The following ANGPTL2 variants were observed in gnomAD, a reference collection of about 807,000 sequenced individuals.
ANGPTL2 encodes the protein angiopoietin like 2.
In ANGPTL2, 25 loss-of-function variants were observed where a neutral mutation model predicts 52.8. The ratio of observed to expected loss-of-function variants is 0.47; its 90% CI spans 0.35 to 0.66. The LOEUF (loss-of-function observed/expected upper bound fraction) is 0.66, where lower values mean the gene tolerates loss of function less well. ANGPTL2 is among the 30% of genes least tolerant of loss of function. The pLI, the probability that ANGPTL2 is intolerant of heterozygous loss-of-function variation, is 0.01. For synonymous variants in ANGPTL2, 276 were observed against 277.4 expected, an observed-to-expected ratio of 1.00 and a Z score of 0.05; for missense variants, 546 against 656.9, an observed-to-expected ratio of 0.83 and a Z score of 1.84.
intron 1 of ANGPTL2, among the ~76,000 whole-genome samples, chr9:127,114,310 G>A (rs2055174479): frequency 6.6e-6 from 1 of 152,146 alleles, no homozygotes; most frequent in South Asian, 2.1e-4. Context: ...ATTTGCAGTT[G>A]AGGAAACTAT....
intron 1 of ANGPTL2, 68 bp from the exon 2 acceptor site, chr9:127,108,848 TC>T: frequency 2.6e-6 from 3 of 1,147,720 alleles, no homozygotes; most frequent in Admixed American, 5.6e-5. Flanking sequence ...CCATCAGTGA[TC>T]CCAGCCTTCT....
At chr9:127,093,657 T>C in intron 3 of ANGPTL2, 76 bp downstream of exon 3, 5 of 1,551,338 alleles carry the variant, frequency 3.2e-6, no homozygotes, top group Non-Finnish European at 4.4e-6. Context: ...TGGGCTCTTC[T>C]ATTGGTTGCT....
At position 127,107,919 on chromosome 9, in the gene ANGPTL2, C is replaced by T. The variant is rs890649904; in HGVS notation, c.813G>A (p.Pro271=). ...LTSLPSSTDK[P]SGPWRDCLQA... Reference sequence around the variant, plus strand: ...CACGATCCCAGAAGCACTTACCCGACGGCTTGTCGGTGGAAGATGGGAGGC... The same window carrying T: ...CACGATCCCAGAAGCACTTACCCGATGGCTTGTCGGTGGAAGATGGGAGGC... Residue 271 remains proline, a synonymous_variant, in exon 2 of 5, where the codon CCG becomes CCA. Coordinates refer to ENST00000373425, the MANE Select transcript of ANGPTL2 (RefSeq NM_012098.3). 1.4e-5 allele frequency: 21 copies of T among 1,529,328 alleles called. No individual in the cohort carries two copies. Among genetic ancestry groups the T allele is most frequent in the African/African-American group, 4.1e-5 (3 of 72,556 alleles). 94.7% of individuals were successfully genotyped at this position (1,529,328 alleles called of 1,614,324 possible). A position where few individuals can be genotyped will look rare whatever the true frequency, so the allele number is the denominator to read the frequency against.
At chr9:127,089,214 G>C in intron 4 of ANGPTL2, 76 bp from the exon 5 acceptor site, 3 of 1,486,948 alleles carry the variant, frequency 2.0e-6, no homozygotes, top group Non-Finnish European at 2.8e-6. Context: ...CAGGGCTTTC[G>C]GCAAAGCCCT....
chr9:127,098,948 C>T (rs1284859845), intron 2 of ANGPTL2, among the ~76,000 whole-genome samples: 5 of 152,248 alleles, frequency 3.3e-5, no homozygotes, highest in African/African-American at 1.2e-4. Flanking sequence ...GCTCTCAGTG[C>T]AGTGCCCCTC....
intron 2 of ANGPTL2, among the ~76,000 whole-genome samples, chr9:127,105,710 T>C (rs1290812140): frequency 6.6e-6 from 1 of 152,138 alleles, no homozygotes; most frequent in African/African-American, 2.4e-5. Context: ...CCCAGAGAAA[T>C]CCATTGTCAG....
At chr9:127,113,140 C>T (rs1034193744) in intron 1 of ANGPTL2, among the ~76,000 whole-genome samples, 3 of 152,258 alleles carry the variant, frequency 2.0e-5, no homozygotes, top group African/African-American at 7.2e-5. Flanking sequence ...CTGTGCTGGG[C>T]GCCTGACATA....
chr9:127,121,344 C>T (rs913420959), intron 1 of ANGPTL2, among the ~76,000 whole-genome samples: 1 of 152,222 alleles, frequency 6.6e-6, no homozygotes, highest in Non-Finnish European at 1.5e-5. Context: ...TTGAAGCCAG[C>T]TCATGAGGAC....
rs572727260 is a variant in ANGPTL2, at chr9:127,091,284, G to T, written c.1282+386C>A. Among the ~76,000 whole-genome samples the T allele has an allele frequency of 3.3e-5, 5 of 152,356 alleles. No homozygotes were observed. Among genetic ancestry groups the T allele is most frequent in the African/African-American group, 9.6e-5 (4 of 41,588 alleles). ...GGTAGGAGGTGGGGCCAGCACTGGAGCCCAGGTGTGTGGCCCAGAGCCTAC... is the reference window on the plus strand; with the variant it reads ...GGTAGGAGGTGGGGCCAGCACTGGATCCCAGGTGTGTGGCCCAGAGCCTAC... On this transcript the variant is annotated intron_variant, in intron 4 of 4. Transcript: ENST00000373425. This position sits in a 1 kb window ranked among gnomAD's most constrained non-coding sequence, Gnocchi z 4.3.
chr9:127,111,350 C>T (rs1374559934), intron 1 of ANGPTL2, among the ~76,000 whole-genome samples: 4 of 152,242 alleles, frequency 2.6e-5, no homozygotes, highest in Admixed American at 1.3e-4. Context: ...CTGTCTCCTC[C>T]CCGTTCCCTT....
chr9:127,110,408 T>C (rs2054681497), intron 1 of ANGPTL2, among the ~76,000 whole-genome samples: 1 of 152,228 alleles, frequency 6.6e-6, no homozygotes, highest in South Asian at 2.1e-4. Flanking sequence ...CTCATATTCC[T>C]GTCCTTTCTC....
chr9:127,090,993 C>A (rs1275124702), intron 4 of ANGPTL2, among the ~76,000 whole-genome samples: 1 of 152,198 alleles, frequency 6.6e-6, no homozygotes, highest in African/African-American at 2.4e-5. Context: ...AGCATGTGAT[C>A]TTAGACAAAT....
intron 2 of ANGPTL2, among the ~76,000 whole-genome samples, chr9:127,104,835 A>G (rs1554828097): frequency 6.6e-6 from 1 of 152,224 alleles, no homozygotes; most frequent in Non-Finnish European, 1.5e-5. Flanking sequence ...TTAATTGCAA[A>G]GGTATTTCTG....
Position 127,110,196 on chromosome 9 carries a change from C to T in ANGPTL2, c.-49-1416G>A, listed in dbSNP as rs143452742. On this transcript the variant is annotated intron_variant, in intron 1 of 4. Transcript: ENST00000373425. ...GAGCCCACCCTCATCAGGCTTTGCC[C>T]GCTCCCCTTCATTCTAGGTTGCCCT... Among the ~76,000 whole-genome samples the T allele has an allele frequency of 3.4e-3, 513 of 152,280 alleles. 7 individuals are homozygous for T. The highest frequency in any genetic ancestry group is 0.012 in the African/African-American group (495 of 41,548).
rs567110896 is a variant in ANGPTL2, at chr9:127,091,054, G to A, written c.1282+616C>T. 6.6e-6 allele frequency among the ~76,000 whole-genome samples: 1 copy of A among 152,190 alleles called. No individual in the cohort carries two copies. Among genetic ancestry groups the A allele is most frequent in the Non-Finnish European group, 1.5e-5 (1 of 68,040 alleles). ...CTCTTAATAGCTTCCTCTCAGCACT[G>A]CACTAGCATTACATGCAGTAACAGT... On this transcript the variant is annotated intron_variant, in intron 4 of 4. Coordinates refer to ENST00000373425, the MANE Select transcript of ANGPTL2 (RefSeq NM_012098.3). This position sits in a 1 kb window ranked among gnomAD's most constrained non-coding sequence, Gnocchi z 4.3.
chr9:127,115,465 A>G (rs2055304781), intron 1 of ANGPTL2, among the ~76,000 whole-genome samples: 1 of 152,228 alleles, frequency 6.6e-6, no homozygotes, highest in African/African-American at 2.4e-5. Flanking sequence ...TGAGCAACAA[A>G]CTATATGATC....
chr9:127,094,011 C>T, intron 2 of ANGPTL2, 85 bp from the exon 3 acceptor site: 1 of 1,477,522 alleles, frequency 6.8e-7, no homozygotes, highest in Non-Finnish European at 9.2e-7. Flanking sequence ...GGCACAACCT[C>T]TGTTGAGGCT....
intron 2 of ANGPTL2, among the ~76,000 whole-genome samples, chr9:127,094,525 C>T (rs1175400465): frequency 6.6e-6 from 1 of 152,260 alleles, no homozygotes; most frequent in Non-Finnish European, 1.5e-5. Context: ...ACTAAATGAA[C>T]TTCCACAGTC....
At chr9:127,107,405 AG>A (rs1474348668) in intron 2 of ANGPTL2, among the ~76,000 whole-genome samples, 2 of 152,234 alleles carry the variant, frequency 1.3e-5, no homozygotes, top group Non-Finnish European at 2.9e-5. Flanking sequence ...AGCAGACTCT[AG>A]GAAGTGTGTG....
Sources: gnomAD v4.1 joint callset for allele counts (sites outside exome capture counted in the v4.1 genomes callset) on GRCh38, gnomAD v4.1.1 for gene constraint, Gnocchi (gnomAD v3.1) non-coding constraint, MANE v1.5 for transcripts, NCBI Gene and HGNC (gene_info 2026-07-23, HGNC 2026-07-21) for gene names.